Variants in IQCJ observed in about 807,000 individuals in gnomAD.
IQCJ encodes the protein IQ motif containing J.
A neutral mutation model predicts 11.0 loss-of-function variants in IQCJ; 9 were observed. The ratio of observed to expected loss-of-function variants is 0.82; its 90% CI spans 0.49 to 1.43. The LOEUF is 1.43. Ranked by LOEUF, IQCJ falls within the 40% of genes most tolerant of loss-of-function variation. IQCJ has a pLI of 0.00. For synonymous variants in IQCJ, 55 were observed against 51.3 expected (o/e 1.07, Z -0.31); for missense variants, 146 against 133.2 (o/e 1.10, Z -0.47).
intron 1 of IQCJ, among the ~76,000 whole-genome samples, chr3:159,217,363 T>G (rs1256089916): frequency 1.3e-5 from 2 of 152,196 alleles, no homozygotes; most frequent in Non-Finnish European, 2.9e-5. Context: ...TATTTTTCTT[T>G]TAAAAAATGG....
chr3:159,131,270 T>C lies in IQCJ; in HGVS notation c.9+61829T>C, dbSNP rs376137478. On this transcript the variant is annotated intron_variant, in intron 1 of 3. Transcript: ENST00000397832. The stretch of plus-strand genomic sequence containing the variant: ...CATCACACATAAGTATGTCTCTCTC[T>C]TAACGTTGTGCTCTGGGCACTACAC... Among the ~76,000 whole-genome samples, 74 of 152,238 alleles carry C rather than the reference T, an allele frequency of 4.9e-4. No individual in the cohort carries two copies. In the East Asian group the frequency reaches 8.5e-3, roughly 18 times the overall value.
chr3:159,177,384 G>T (rs1722853027), intron 1 of IQCJ, among the ~76,000 whole-genome samples: 1 of 152,132 alleles, frequency 6.6e-6, no homozygotes, highest in African/African-American at 2.4e-5. Flanking sequence ...TGCTGACAAG[G>T]ACTTGAAGCA....
intron 1 of IQCJ, among the ~76,000 whole-genome samples, chr3:159,187,528 G>A (rs1485995213): frequency 1.3e-5 from 2 of 152,228 alleles, no homozygotes; most frequent in East Asian, 1.9e-4. Context: ...GCAGGGCTTC[G>A]CTCCTGGTGC....
intron 1 of IQCJ, among the ~76,000 whole-genome samples, chr3:159,184,757 T>C (rs546733387): frequency 1.3e-5 from 2 of 152,340 alleles, no homozygotes; most frequent in South Asian, 2.1e-4. Context: ...ATTGATCTGG[T>C]ATATTGATCC....
chr3:159,128,800 A>G (rs1011697792), intron 1 of IQCJ, among the ~76,000 whole-genome samples: 1 of 152,098 alleles, frequency 6.6e-6, no homozygotes, highest in African/African-American at 2.4e-5. Context: ...CTCCTTCACA[A>G]TATAGTCTGA....
chr3:159,184,264 T>C (rs1269098283), intron 1 of IQCJ, among the ~76,000 whole-genome samples: 4 of 152,136 alleles, frequency 2.6e-5, no homozygotes, highest in Non-Finnish European at 5.9e-5. Context: ...AAACTCATTC[T>C]TTACCCTATC....
chr3:159,214,883 A>G (rs1313955441), intron 1 of IQCJ, among the ~76,000 whole-genome samples: 1 of 152,156 alleles, frequency 6.6e-6, no homozygotes, highest in African/African-American at 2.4e-5. Context: ...CAGCAAGTCT[A>G]TGTGTTTGGA....
chr3:159,209,890 G>A (rs1724859304), intron 1 of IQCJ, among the ~76,000 whole-genome samples: 1 of 152,208 alleles, frequency 6.6e-6, no homozygotes, highest in African/African-American at 2.4e-5. Context: ...ATTCAGAAGG[G>A]TTGGGTCTGC....
At chr3:159,107,244 G>A (rs752025194) in intron 1 of IQCJ, among the ~76,000 whole-genome samples, 1 of 151,990 alleles carries the variant, frequency 6.6e-6, no homozygotes, top group East Asian at 1.9e-4. Context: ...GTAAGGGCAG[G>A]GCCCTTATGA....
intron 1 of IQCJ, among the ~76,000 whole-genome samples, chr3:159,076,163 G>T (rs1185880162): frequency 6.6e-6 from 1 of 152,068 alleles, no homozygotes; most frequent in Admixed American, 6.6e-5. Flanking sequence ...AGTGATGTAT[G>T]TCTCTGCAGT....
rs1490869755 is a variant in IQCJ at position 159,108,011 on chromosome 3, A to AAG, written c.9+38571_9+38572insGA. 1.5e-4 allele frequency among the ~76,000 whole-genome samples: 23 copies of AAG among 150,918 alleles called. 1 individual carries two copies. The highest frequency in any genetic ancestry group is 1.1e-3 in the Admixed American group (17 of 15,182). ...ATGTTGCACCTATGGTTTTCCAAAA[A>AAG]AAAAAAAAAAAAAAGAAAAAAAATT... On this transcript the variant is annotated intron_variant, in intron 1 of 3. Transcript: ENST00000397832.
intron 1 of IQCJ, among the ~76,000 whole-genome samples, chr3:159,077,920 T>A (rs1170993870): frequency 6.6e-6 from 1 of 152,128 alleles, no homozygotes; most frequent in East Asian, 1.9e-4. Flanking sequence ...TAAGCCTTGA[T>A]GTAATATTTT....
Position 159,103,785 on chromosome 3 carries a change from A to G in IQCJ, c.9+34344A>G, listed in dbSNP as rs533687727. Among the ~76,000 whole-genome samples the G allele has an allele frequency of 1.2e-4, 19 of 152,382 alleles. No homozygotes were observed. The South Asian group carries it at 3.9e-3, about 32-fold the overall frequency. ...ACTCTCCTCTTTATATCAGAAAGGA[A>G]CACTTTAAATGCCCAGCAACTGCTG... On this transcript the variant is annotated intron_variant, in intron 1 of 3. Coordinates refer to ENST00000397832, the MANE Select transcript of IQCJ (RefSeq NM_001042706.3).
chr3:159,107,307 T>C (rs1225478781), intron 1 of IQCJ, among the ~76,000 whole-genome samples: 1 of 152,176 alleles, frequency 6.6e-6, no homozygotes, highest in Non-Finnish European at 1.5e-5. Flanking sequence ...TAGTCCCTTT[T>C]GCCATTTGTG....
In IQCJ at chr3:159,263,101, G is replaced by C. The variant is rs779492056; in HGVS notation, c.*370G>C. On this transcript the variant is annotated 3_prime_UTR_variant, in exon 4 of 4. Transcript: ENST00000397832. ...AGAATTGAAAGTGGTCACACACTCA[G>C]GGGTTGCAACTTAAATGTCTCCAGG... 1.0e-6 allele frequency: 1 copy of C among 991,996 alleles called. No homozygotes were observed. Among genetic ancestry groups the C allele is most frequent in the Non-Finnish European group, 1.2e-6 (1 of 833,312 alleles). 61.4% of individuals were successfully genotyped at this position (991,996 alleles called of 1,614,324 possible). A position where few individuals can be genotyped will look rare whatever the true frequency, so the allele number is the denominator to read the frequency against.
At chr3:159,102,407 C>T (rs184864385) in intron 1 of IQCJ, among the ~76,000 whole-genome samples, 17 of 152,074 alleles carry the variant, frequency 1.1e-4, no homozygotes, top group African/African-American at 2.2e-4. Flanking sequence ...AGATTGGGTA[C>T]GGTAAAAGCT....
chr3:159,245,759 A>G lies in IQCJ; in HGVS notation c.10-84A>G. The G allele has an allele frequency of 4.2e-6, 5 of 1,181,598 alleles. No individual in the cohort carries two copies. In the East Asian group the frequency reaches 7.9e-5, roughly 19 times the overall value. 73.2% of individuals were successfully genotyped at this position (1,181,598 alleles called of 1,614,324 possible). A position where few individuals can be genotyped will look rare whatever the true frequency, so the allele number is the denominator to read the frequency against. On this transcript the variant is annotated intron_variant, in intron 1 of 3. Transcript: ENST00000397832. ...AGAACTCTTAATGTTGTGTTGTATC[A>G]ATTTTGCTAACAGTTATGCTTGAAT...
In IQCJ at chr3:159,132,731, A is replaced by G. The variant is rs1236848303; in HGVS notation, c.9+63290A>G. Among the ~76,000 whole-genome samples, 3 of 152,208 alleles carry G rather than the reference A, an allele frequency of 2.0e-5. No homozygotes were observed. The East Asian group carries it at 5.8e-4, about 29-fold the overall frequency. On this transcript the variant is annotated intron_variant, in intron 1 of 3. Coordinates refer to ENST00000397832, the MANE Select transcript of IQCJ (RefSeq NM_001042706.3). The stretch of plus-strand genomic sequence containing the variant: ...TAGGAAGATGTCGTATCTAGTTTTT[A>G]TGGCTAATGAATTCAAAAGCATAAT...
intron 1 of IQCJ, among the ~76,000 whole-genome samples, chr3:159,195,485 A>G (rs1362120500): frequency 3.3e-5 from 5 of 152,202 alleles, no homozygotes; most frequent in African/African-American, 1.2e-4. Context: ...CTCTTCTGTA[A>G]GCTTAAATGG....
Sources: gnomAD v4.1 joint callset for allele counts (sites outside exome capture counted in the v4.1 genomes callset) on GRCh38, gnomAD v4.1.1 for gene constraint, MANE v1.5 for transcripts, NCBI Gene and HGNC (gene_info 2026-07-23, HGNC 2026-07-21) for gene names.